The following STAP1 variants were observed in gnomAD, a reference collection of about 807,000 sequenced individuals.
The protein encoded by STAP1 is signal-transducing adaptor protein 1.
STAP1 carries 30 observed loss-of-function variants against 37.8 expected under a neutral mutation model. The ratio of observed to expected loss-of-function variants is 0.79; its 90% CI spans 0.59 to 1.08. The LOEUF (loss-of-function observed/expected upper bound fraction) is 1.08. Ranked by LOEUF, STAP1 falls within the 50% of genes least tolerant of loss-of-function variation. The probability of loss-of-function intolerance (pLI) is 0.00; values close to 1 mark genes in which losing one functional copy is unlikely to be tolerated. For missense variants in STAP1, 357 were observed against 349.4 expected (o/e 1.02, Z -0.17); for synonymous variants, 130 against 116.0 (o/e 1.12, Z -0.78).
intron 1 of STAP1, among the ~76,000 whole-genome samples, chr4:67,565,091 A>C (rs1266396897): frequency 6.6e-6 from 1 of 152,206 alleles, no homozygotes; most frequent in Admixed American, 6.5e-5. Flanking sequence ...AGGGTGGGGA[A>C]GCCTTAAAAA....
chr4:67,562,730 C>T (rs1245131330), intron 1 of STAP1, among the ~76,000 whole-genome samples: 1 of 151,902 alleles, frequency 6.6e-6, no homozygotes, highest in Non-Finnish European at 1.5e-5. Context: ...GGAGATTGCG[C>T]CATTGCACTC....
intron 6 of STAP1, among the ~76,000 whole-genome samples, chr4:67,584,098 G>GAAA (rs60099631): frequency 1.7e-3 from 157 of 94,358 alleles, no homozygotes; most frequent in African/African-American, 2.4e-3. Flanking sequence ...ACTCGGTCTC[G>GAAA]AAAAAAAAAA....
intron 1 of STAP1, among the ~76,000 whole-genome samples, chr4:67,562,845 T>TAA (rs1465724001): frequency 6.6e-6 from 1 of 151,942 alleles, no homozygotes; most frequent in Non-Finnish European, 1.5e-5. Context: ...TTAATCCATG[T>TAA]AAATTATTTG....
chr4:67,581,476 G>GACACATT lies in STAP1; in HGVS notation c.530+5_530+6insACACATT, dbSNP rs1279240074. On this transcript the variant is annotated splice_donor_region_variant and intron_variant, in intron 5 of 8. Coordinates refer to ENST00000265404, the MANE Select transcript of STAP1 (RefSeq NM_012108.4). Reference sequence around the variant, plus strand: ...TGTACTGAACCCTATGCCAGCGTAAGTGCACAATGAACTGCAGTTTATTCA... The same window carrying GACACATT: ...TGTACTGAACCCTATGCCAGCGTAAGACACATTTGCACAATGAACTGCAGTTTATTCA... The GACACATT allele has an allele frequency of 6.3e-7, 1 of 1,599,740 alleles. No individual in the cohort carries two copies. The highest frequency in any genetic ancestry group is 8.5e-7 in the Non-Finnish European group (1 of 1,174,400).
intron 8 of STAP1, among the ~76,000 whole-genome samples, chr4:67,597,562 T>C (rs6850853): frequency 0.15 from 23,274 of 152,174 alleles, 3,080 homozygotes; most frequent in African/African-American, 0.36. Context: ...AGGCACTTAA[T>C]GCCAGCCCAT....
intron 3 of STAP1, among the ~76,000 whole-genome samples, chr4:67,576,524 A>G (rs1727724397): frequency 6.6e-6 from 1 of 152,224 alleles, no homozygotes; most frequent in Admixed American, 6.5e-5. Context: ...TAAATCAAGT[A>G]ATACCTGTGA....
At chr4:67,573,422 T>G (rs1167107023) in intron 2 of STAP1, among the ~76,000 whole-genome samples, 1 of 152,174 alleles carries the variant, frequency 6.6e-6, no homozygotes, top group Non-Finnish European at 1.5e-5. Context: ...CAAAAAGATA[T>G]GACTTCCTTT....
intron 8 of STAP1, among the ~76,000 whole-genome samples, chr4:67,598,558 G>T (rs1301028699): frequency 6.6e-6 from 1 of 152,112 alleles, no homozygotes; most frequent in African/African-American, 2.4e-5. Flanking sequence ...TCATATGCCT[G>T]TTTGCCATTT....
intron 1 of STAP1, among the ~76,000 whole-genome samples, chr4:67,567,826 C>T (rs1301338373): frequency 6.6e-6 from 1 of 152,156 alleles, no homozygotes; most frequent in African/African-American, 2.4e-5. Context: ...CAGCTAAGAC[C>T]CTAGACAAGT....
intron 6 of STAP1, 61 bp downstream of exon 6, chr4:67,583,763 T>C (rs1292766156): frequency 6.4e-7 from 1 of 1,564,970 alleles, no homozygotes; most frequent in African/African-American, 1.4e-5. Context: ...TAAATACAAG[T>C]CCAGATCAGC....
chr4:67,562,478 T>G (rs913501888), intron 1 of STAP1, among the ~76,000 whole-genome samples: 2 of 151,862 alleles, frequency 1.3e-5, no homozygotes, highest in East Asian at 3.9e-4. Context: ...ATAAGAATAT[T>G]AATTCAGCCG....
At position 67,590,876 on chromosome 4, in the gene STAP1, C is replaced by G. The variant is rs762343244; in HGVS notation, c.660-8C>G. 1 of 1,592,108 alleles carries G rather than the reference C, an allele frequency of 6.3e-7. No homozygotes were observed. The highest frequency in any genetic ancestry group is 8.6e-7 in the Non-Finnish European group (1 of 1,168,388). ...TAAAATGGAGACTAACCATTTGTTT[C>G]ATTGTAGCATTCCAAGAATCAAGCA... On this transcript the variant is annotated splice_region_variant and splice_polypyrimidine_tract_variant and intron_variant, in intron 6 of 8. Coordinates refer to ENST00000265404, the MANE Select transcript of STAP1 (RefSeq NM_012108.4).
chr4:67,565,788 A>AATAATTATTATTAT (rs1727452739), intron 1 of STAP1, among the ~76,000 whole-genome samples: 1 of 152,024 alleles, frequency 6.6e-6, no homozygotes, highest in South Asian at 2.1e-4. Flanking sequence ...GAGACACAAT[A>AATAATTATTATTAT]ATAATTATTA....
At chr4:67,591,196 A>G (rs1366247954) in intron 7 of STAP1, among the ~76,000 whole-genome samples, 1 of 152,236 alleles carries the variant, frequency 6.6e-6, no homozygotes, top group Non-Finnish European at 1.5e-5. Context: ...GAAAAAATTC[A>G]GAGAAAGAAA....
intron 8 of STAP1, among the ~76,000 whole-genome samples, chr4:67,604,985 C>G (rs1443083775): frequency 6.6e-5 from 10 of 152,150 alleles, no homozygotes; most frequent in Non-Finnish European, 2.9e-5. Flanking sequence ...TGTGCATGCA[C>G]AATTCAGAGG....
At position 67,575,392 on chromosome 4, in the gene STAP1, A is replaced by G. The variant is rs756270537; in HGVS notation, c.200A>G (p.Asp67Gly). 6.3e-7 allele frequency: 1 copy of G among 1,585,112 alleles called. No homozygotes were observed. Among genetic ancestry groups the G allele is most frequent in the Non-Finnish European group, 8.5e-7 (1 of 1,170,768 alleles). ...YTDKKSIIYV[D>G]KLDIVDLTCL... ...CTTCCTTTATCTTTGCAGTATGTTGACAAATTAGACATAGTAGACCTCACA... is the reference window on the plus strand; with the variant it reads ...CTTCCTTTATCTTTGCAGTATGTTGGCAAATTAGACATAGTAGACCTCACA... Residue 67 changes from aspartate to glycine, a missense_variant, in exon 3 of 9, where the codon GAC (aspartate) becomes GGC (glycine). Physicochemically the swap from Asp to Gly is moderately conservative, Grantham distance 94 (BLOSUM62 -1). Coordinates refer to ENST00000265404, the MANE Select transcript of STAP1 (RefSeq NM_012108.4).
intron 5 of STAP1, 75 bp downstream of exon 5, chr4:67,581,546 A>G: frequency 6.7e-7 from 1 of 1,493,814 alleles, no homozygotes; most frequent in Non-Finnish European, 9.0e-7. Flanking sequence ...AGAGTTAGTC[A>G]CTTGCTCTTG....
chr4:67,561,155 T>C (rs1161372925), intron 1 of STAP1, among the ~76,000 whole-genome samples: 1 of 152,188 alleles, frequency 6.6e-6, no homozygotes, highest in African/African-American at 2.4e-5. Flanking sequence ...GCAAGTAATA[T>C]GACTCCAAGG....
At chr4:67,567,146 A>G (rs1727488897) in intron 1 of STAP1, among the ~76,000 whole-genome samples, 1 of 152,204 alleles carries the variant, frequency 6.6e-6, no homozygotes, top group Non-Finnish European at 1.5e-5. Flanking sequence ...TTTTCTTGTC[A>G]TTAAACTGCT....
Sources: gnomAD v4.1 joint callset for allele counts (sites outside exome capture counted in the v4.1 genomes callset) on GRCh38, gnomAD v4.1.1 for gene constraint, MANE v1.5 for transcripts, NCBI Gene and HGNC (gene_info 2026-07-23, HGNC 2026-07-21) for gene names.